DMBX1: variants seen among roughly 807,000 people sequenced by gnomAD.
DMBX1 encodes diencephalon/mesencephalon homeobox protein 1.
A neutral mutation model predicts 30.4 loss-of-function variants in DMBX1; 7 were observed. The ratio of observed to expected loss-of-function variants is 0.23; its 90% CI spans 0.13 to 0.43. The LOEUF (loss-of-function observed/expected upper bound fraction) is 0.43, where lower values mean the gene tolerates loss of function less well. DMBX1 is among the 20% of genes least tolerant of loss of function. DMBX1 has a pLI of 1.00. For missense variants in DMBX1, 460 were observed against 508.5 expected (o/e 0.90, Z 0.92); for synonymous variants, 222 against 214.2 (o/e 1.04, Z -0.32).
rs970339966 is a variant in DMBX1, at chr1:46,515,216, C to A, written c.*2722C>A. Among the ~76,000 whole-genome samples the A allele has an allele frequency of 1.3e-5, 2 of 152,148 alleles. No homozygotes were observed. The highest frequency in any genetic ancestry group is 2.9e-5 in the Non-Finnish European group (2 of 68,036). On this transcript the variant is annotated 3_prime_UTR_variant, in exon 6 of 6. Transcript: ENST00000360032. ...TTGGGAGGGATTTTGTGGCCAATAG[C>A]CCATCAACTGTCCTCTGGGATTAGC...
At position 46,511,071 on chromosome 1, in the gene DMBX1, T is replaced by C. The variant is rs1435777507; in HGVS notation, c.470T>C (p.Leu157Pro). 2.5e-5 allele frequency: 41 copies of C among 1,613,992 alleles called. No homozygotes were observed. Among genetic ancestry groups the C allele is most frequent in the Non-Finnish European group, 3.5e-5 (41 of 1,180,004 alleles). Residue 157 changes from leucine (L) to proline (P), a missense_variant, in exon 5 of 6, where the codon CTG (leucine) becomes CCG (proline). Physicochemically the swap from Leu to Pro is moderately conservative, Grantham distance 98. Coordinates refer to ENST00000360032, the MANE Select transcript of DMBX1 (RefSeq NM_172225.2). ...KAEAPTPDTQ[L>P]DTEQPPRLPG... ...GAGGCCCCCACTCCAGATACCCAGC[T>C]GGACACTGAGCAGCCCCCACGTCTG...
At chr1:46,497,312 A>G (rs1045287376) in intron 2 of DMBX1, among the ~76,000 whole-genome samples, 2 of 152,178 alleles carry the variant, frequency 1.3e-5, no homozygotes, top group Admixed American at 6.5e-5. Flanking sequence ...GTGAAACAAG[A>G]CTTGGCACGT....
intron 2 of DMBX1, among the ~76,000 whole-genome samples, chr1:46,497,703 C>T (rs1471826685): frequency 3.3e-5 from 5 of 152,192 alleles, no homozygotes; most frequent in Non-Finnish European, 7.3e-5. Flanking sequence ...CTTGATTCTT[C>T]GATTGGCTAG....
At chr1:46,509,150 G>A (rs1039593430) in intron 3 of DMBX1, among the ~76,000 whole-genome samples, 1 of 151,838 alleles carries the variant, frequency 6.6e-6, no homozygotes, top group Non-Finnish European at 1.5e-5. Flanking sequence ...TTGGCTCACT[G>A]CAACCTCCGC....
rs1209595981 is a variant in DMBX1 at position 46,493,356 on chromosome 1, A to C, written c.-13+2573A>C. Among the ~76,000 whole-genome samples the C allele has an allele frequency of 3.9e-5, 6 of 152,274 alleles. No individual in the cohort carries two copies. The highest frequency in any genetic ancestry group is 4.2e-4 in the South Asian group (2 of 4,818). ...AGTCTCAGTTTCCCTTTCTGTAAGA[A>C]GGGCACCGAGCTGGGCTCTCCAATG... On this transcript the variant is annotated intron_variant, in intron 2 of 5. Transcript: ENST00000360032. This position sits in a 1 kb window ranked among gnomAD's most constrained non-coding sequence, Gnocchi z 4.1.
intron 2 of DMBX1, among the ~76,000 whole-genome samples, chr1:46,497,460 G>A (rs12125662): frequency 0.1 from 15,702 of 152,126 alleles, 913 homozygotes; most frequent in East Asian, 0.18. Flanking sequence ...TCTAAGTAAA[G>A]TTTTTCTGCC....
chr1:46,505,593 A>C (rs916935249), intron 2 of DMBX1, among the ~76,000 whole-genome samples: 10 of 148,206 alleles, frequency 6.7e-5, no homozygotes, highest in Admixed American at 6.7e-4. Flanking sequence ...CACTCTGGGG[A>C]CTGTTGTGGG....
Position 46,511,010 on chromosome 1 carries a change from A to G in DMBX1, c.409A>G (p.Lys137Glu). ...GCAGAAGGAACAGCTCCAGAAGCAG[A>G]AGGAGGCTGAGGGCTCCCATGGGGA... Reference protein sequence around the residue: ...SLQKEQLQKQKEAEGSHGEGK... With the variant: ...SLQKEQLQKQEEAEGSHGEGK... Residue 137 changes from lysine to glutamate, a missense_variant, in exon 5 of 6, where the codon AAG becomes GAG. Lys to Glu is a moderately conservative substitution (Grantham distance 56). Coordinates refer to ENST00000360032, the MANE Select transcript of DMBX1 (RefSeq NM_172225.2). The G allele has an allele frequency of 8.7e-6, 14 of 1,614,052 alleles. No homozygotes were observed. Among genetic ancestry groups the G allele is most frequent in the Non-Finnish European group, 1.2e-5 (14 of 1,179,972 alleles).
At chr1:46,506,914 C>A (rs926574435) in intron 2 of DMBX1, 85 bp from the exon 3 acceptor site, 11 of 1,495,688 alleles carry the variant, frequency 7.4e-6, no homozygotes, top group Non-Finnish European at 1.0e-5. Flanking sequence ...AGGTGGGCAT[C>A]CAGGGTCTGG....
intron 2 of DMBX1, 135 bp from the exon 3 acceptor site, chr1:46,506,864 C>A: frequency 1.0e-6 from 1 of 956,754 alleles, no homozygotes; most frequent in Non-Finnish European, 1.6e-6. Flanking sequence ...ACGGGCAAGA[C>A]AGGCTCCCTT....
intron 2 of DMBX1, 66 bp from the exon 3 acceptor site, chr1:46,506,933 T>A (rs12127101): frequency 0.19 from 290,283 of 1,560,248 alleles, 29,218 homozygotes; most frequent in African/African-American, 0.34. Context: ...GGACTGGGGG[T>A]GGGTCTCCCT....
At chr1:46,499,169 T>C (rs1158416591) in intron 2 of DMBX1, among the ~76,000 whole-genome samples, 1 of 152,098 alleles carries the variant, frequency 6.6e-6, no homozygotes, top group Admixed American at 6.5e-5. Flanking sequence ...CCCGAGTAGC[T>C]GGGATTACAG....
rs1313142838 is a variant in DMBX1, at chr1:46,512,082, G to T, written c.722G>T (p.Gly241Val). ...GSLTITPVAP[G>V]GGLLGPSHSY... The stretch of plus-strand genomic sequence containing the variant: ...CTGACCATCACTCCTGTGGCCCCAG[G>T]GGGTGGCCTCCTGGGCCCCTCCCAC... Residue 241 changes from glycine to valine, a missense_variant, in exon 6 of 6, where the codon GGG becomes GTG. Gly to Val is a moderately radical substitution (Grantham distance 109). Transcript: ENST00000360032. This position sits in a 1 kb window ranked among gnomAD's most constrained non-coding sequence, Gnocchi z 4.8. The T allele has an allele frequency of 6.2e-7, 1 of 1,613,296 alleles. No homozygotes were observed. Among genetic ancestry groups the T allele is most frequent in the Admixed American group, 1.7e-5 (1 of 59,994 alleles).
rs1348690265 is a variant in DMBX1 at position 46,516,071 on chromosome 1, A to G, written c.*3577A>G. ...TGTTAGTGGAAAAAAACAAGACTTA[A>G]TTCACCCCTGCCTGTCCCCTCGCCT... On this transcript the variant is annotated 3_prime_UTR_variant, in exon 6 of 6. Transcript: ENST00000360032. 1.3e-5 allele frequency among the ~76,000 whole-genome samples: 2 copies of G among 152,126 alleles called. No homozygotes were observed. The highest frequency in any genetic ancestry group is 1.3e-4 in the Admixed American group (2 of 15,274).
At chr1:46,511,722 G>A (rs976002850) in intron 5 of DMBX1, among the ~76,000 whole-genome samples, 7 of 152,054 alleles carry the variant, frequency 4.6e-5, no homozygotes, top group Admixed American at 3.3e-4. Context: ...GACAGGGGCT[G>A]TGAGCTGAAG....
Position 46,512,812 on chromosome 1 carries a change from C to G in DMBX1, c.*318C>G, listed in dbSNP as rs1435967515. 1 of 366,318 alleles carries G rather than the reference C, an allele frequency of 2.7e-6. No individual in the cohort carries two copies. Among genetic ancestry groups the G allele is most frequent in the Admixed American group, 4.2e-5 (1 of 23,990 alleles). 22.7% of individuals were successfully genotyped at this position (366,318 alleles called of 1,614,324 possible). ...TCAATAGCACCTCCTCCCTTTTCTC[C>G]CTATCCTTCTGCCCCCTAGTAAGTC... On this transcript the variant is annotated 3_prime_UTR_variant, in exon 6 of 6. Coordinates refer to ENST00000360032, the MANE Select transcript of DMBX1 (RefSeq NM_172225.2). The surrounding 1 kb of genome is among the most constrained non-coding windows in gnomAD (Gnocchi z 4.8).
chr1:46,492,018 G>A (rs1462471356), intron 2 of DMBX1, among the ~76,000 whole-genome samples: 2 of 152,228 alleles, frequency 1.3e-5, no homozygotes, highest in African/African-American at 4.8e-5. Context: ...CTCAGGAGGG[G>A]GGTAAACACC....
Position 46,510,351 on chromosome 1 carries a change from A to C in DMBX1, c.155-125A>C. On this transcript the variant is annotated intron_variant, in intron 3 of 5. Coordinates refer to ENST00000360032, the MANE Select transcript of DMBX1 (RefSeq NM_172225.2). The surrounding 1 kb of genome is among the most constrained non-coding windows in gnomAD (Gnocchi z 4.1). Reference sequence around the variant, plus strand: ...GATGGCTGATTTCTAAGGGTAAGGGACCAGGGCCAGCTCTGGCAGCAGCCT... The same window carrying C: ...GATGGCTGATTTCTAAGGGTAAGGGCCCAGGGCCAGCTCTGGCAGCAGCCT... 1 of 1,236,626 alleles carries C rather than the reference A, an allele frequency of 8.1e-7. No individual in the cohort carries two copies. Among genetic ancestry groups the C allele is most frequent in the South Asian group, 1.5e-5 (1 of 65,700 alleles). The allele number at this position is 1,236,626 out of a possible 1,614,324, so 76.6% of individuals were successfully genotyped here.
In DMBX1 at chr1:46,493,637, T is replaced by G. The variant is rs1317692373; in HGVS notation, c.-13+2854T>G. On this transcript the variant is annotated intron_variant, in intron 2 of 5. Coordinates refer to ENST00000360032, the MANE Select transcript of DMBX1 (RefSeq NM_172225.2). The surrounding 1 kb of genome is among the most constrained non-coding windows in gnomAD (Gnocchi z 4.1). ...TTCCCAGATGGGGTCACTCCTTCCC[T>G]CTGGTCTACAGCCACTGTGGGCGCT... is the stretch of plus-strand genomic sequence containing the variant. Among the ~76,000 whole-genome samples, 1 of 152,232 alleles carries G rather than the reference T, an allele frequency of 6.6e-6. No individual in the cohort carries two copies. The highest frequency in any genetic ancestry group is 1.5e-5 in the Non-Finnish European group (1 of 68,032).
Sources: allele counts gnomAD v4.1 joint callset (sites outside exome capture counted in the v4.1 genomes callset), GRCh38; gene constraint gnomAD v4.1.1; non-coding constraint Gnocchi (gnomAD v3.1); transcripts MANE v1.5; gene names NCBI Gene and HGNC (gene_info 2026-07-23, HGNC 2026-07-21).